SOX6: variants seen among roughly 807,000 people sequenced by gnomAD.
SOX6 encodes SRY-box transcription factor 6.
A neutral mutation model predicts 97.8 loss-of-function variants in SOX6; 11 were observed. The ratio of observed to expected loss-of-function variants is 0.11; its 90% CI spans 0.07 to 0.19. The LOEUF is 0.19. Ranked by LOEUF, SOX6 falls within the 10% of genes least tolerant of loss-of-function variation. The pLI, the probability that SOX6 is intolerant of heterozygous loss-of-function variation, is 1.00. For missense variants in SOX6, 810 were observed against 1,039.5 expected, an observed-to-expected ratio of 0.78 and a Z score of 3.04; for synonymous variants, 360 against 371.4, an observed-to-expected ratio of 0.97 and a Z score of 0.35.
intron 3 of SOX6, among the ~76,000 whole-genome samples, chr11:16,272,179 GTTTC>G (rs1339303426): frequency 7.3e-5 from 11 of 151,328 alleles, no homozygotes; most frequent in Non-Finnish European, 1.5e-4. Context: ...AATGATCAAA[GTTTC>G]TTTATTTCAT....
intron 4 of SOX6, among the ~76,000 whole-genome samples, chr11:16,215,456 G>A (rs1852347257): frequency 1.3e-5 from 2 of 152,232 alleles, no homozygotes; most frequent in African/African-American, 4.8e-5. Context: ...AAATACATAT[G>A]CCACTATGCT....
At chr11:16,177,514 C>T (rs1335084290) in intron 6 of SOX6, among the ~76,000 whole-genome samples, 4 of 151,714 alleles carry the variant, frequency 2.6e-5, no homozygotes, top group African/African-American at 9.7e-5. Flanking sequence ...TTAAAATCAC[C>T]TGCCGTAAAT....
intron 4 of SOX6, among the ~76,000 whole-genome samples, chr11:16,583,614 C>CATACATATATATAT (rs1554976094): frequency 4.8e-5 from 5 of 104,704 alleles, no homozygotes; most frequent in African/African-American, 1.6e-4. Flanking sequence ...TATATATATA[C>CATACATATATATAT]ATATATATAT....
At chr11:16,418,365 T>C (rs1011385548) in intron 1 of SOX6, among the ~76,000 whole-genome samples, 1 of 152,138 alleles carries the variant, frequency 6.6e-6, no homozygotes, top group Non-Finnish European at 1.5e-5. Context: ...TGCAAGAGAT[T>C]GGAGAATTTA....
chr11:16,459,384 GA>G (rs1444145596), intron 1 of SOX6, among the ~76,000 whole-genome samples: 1 of 151,816 alleles, frequency 6.6e-6, no homozygotes, highest in Non-Finnish European at 1.5e-5. Flanking sequence ...CAAAAATACT[GA>G]GCACTTAAAA....
chr11:16,074,067 C>T (rs79520756), intron 9 of SOX6, among the ~76,000 whole-genome samples: 5,755 of 152,000 alleles, frequency 0.038, 352 homozygotes, highest in African/African-American at 0.13. Context: ...AAATCAACCC[C>T]AAAACTACCA....
rs373651369 is a variant in SOX6 at position 16,596,644 on chromosome 11, G to C, written n.609+15437C>G. 1.1e-4 allele frequency among the ~76,000 whole-genome samples: 17 copies of C among 152,258 alleles called. No homozygotes were observed. The East Asian group carries it at 1.7e-3, about 16-fold the overall frequency. On this transcript the variant is annotated intron_variant and non_coding_transcript_variant, in intron 4 of 5. Coordinates refer to the SOX6 transcript ENST00000524520. Reference sequence around the variant, plus strand: ...ACGCCATGACAGTAATTAGCACACTGTACAGAATCACCTATATCCATACCT... The same window carrying C: ...ACGCCATGACAGTAATTAGCACACTCTACAGAATCACCTATATCCATACCT...
At chr11:16,004,218 G>T (rs1167347635) in intron 13 of SOX6, among the ~76,000 whole-genome samples, 3 of 151,868 alleles carry the variant, frequency 2.0e-5, no homozygotes, top group African/African-American at 7.3e-5. Flanking sequence ...TCCAAATGAG[G>T]AAACTTTCAG....
chr11:16,565,448 G>GTAT (rs940482801), intron 4 of SOX6, among the ~76,000 whole-genome samples: 3 of 151,446 alleles, frequency 2.0e-5, no homozygotes, highest in Non-Finnish European at 4.4e-5. Flanking sequence ...TACGAAGCTA[G>GTAT]TATTAACCTG....
chr11:16,247,715 G>A (rs556109405), intron 3 of SOX6, among the ~76,000 whole-genome samples: 2 of 152,222 alleles, frequency 1.3e-5, no homozygotes, highest in African/African-American at 4.8e-5. Context: ...CATGACACAT[G>A]GGGACTATAA....
chr11:16,584,097 C>T (rs898424061), intron 4 of SOX6, among the ~76,000 whole-genome samples: 1 of 152,150 alleles, frequency 6.6e-6, no homozygotes, highest in African/African-American at 2.4e-5. Context: ...GGCACTGCTC[C>T]AGTCACCTTT....
chr11:16,188,792 G>A (rs932815983), intron 4 of SOX6, among the ~76,000 whole-genome samples: 4 of 152,066 alleles, frequency 2.6e-5, no homozygotes, highest in Admixed American at 6.6e-5. Flanking sequence ...GGCTGGGCAC[G>A]GTGGCTCATG....
At chr11:16,358,013 G>T (rs1857116514), upstream of SOX6, among the ~76,000 whole-genome samples, 1 of 152,126 alleles carries the variant, frequency 6.6e-6, no homozygotes, top group Non-Finnish European at 1.5e-5. Context: ...GAAAGATCGT[G>T]GCTTTTGCCT....
rs959066494 is a variant in SOX6, at chr11:16,640,775, A to G, written n.430-28515T>C. Among the ~76,000 whole-genome samples the G allele has an allele frequency of 9.9e-5, 15 of 151,992 alleles. 1 individual carries two copies. The highest frequency in any genetic ancestry group is 8.5e-4 in the Admixed American group (13 of 15,264). On this transcript the variant is annotated intron_variant and non_coding_transcript_variant, in intron 3 of 5. Transcript: ENST00000524520. ...GGTGATATTCTCTTTATCATTTTTT[A>G]TTACATCTATTTAATTCTTCTCTCT...
At chr11:16,650,744 C>T (rs556212019) in intron 3 of SOX6, among the ~76,000 whole-genome samples, 1 of 151,402 alleles carries the variant, frequency 6.6e-6, no homozygotes, top group South Asian at 2.1e-4. Flanking sequence ...AACCAAACCC[C>T]AACCCAGAAG....
chr11:16,251,479 T>TGAG (rs76796450), intron 3 of SOX6, among the ~76,000 whole-genome samples: 3 of 151,614 alleles, frequency 2.0e-5, no homozygotes, highest in Non-Finnish European at 2.9e-5. Context: ...GAGAATAGTA[T>TGAG]GAAGATTATG....
At chr11:16,616,494 T>A (rs1848473023) in intron 3 of SOX6, among the ~76,000 whole-genome samples, 1 of 152,054 alleles carries the variant, frequency 6.6e-6, no homozygotes, top group African/African-American at 2.4e-5. Context: ...CGTATTTTTT[T>A]TAACATTACA....
At chr11:16,000,056 T>G (rs1385250323) in intron 13 of SOX6, among the ~76,000 whole-genome samples, 2 of 152,190 alleles carry the variant, frequency 1.3e-5, no homozygotes, top group African/African-American at 4.8e-5. Context: ...TCCAATTCAT[T>G]GTGTTGAAGT....
intron 4 of SOX6, chr11:16,484,408 C>G: frequency 1.3e-6 from 1 of 789,710 alleles, no homozygotes; most frequent in Non-Finnish European, 2.3e-6. Flanking sequence ...CTCCTTTAAC[C>G]AGGCCCTTCT....
Sources: gnomAD v4.1 joint callset for allele counts (sites outside exome capture counted in the v4.1 genomes callset) on GRCh38, gnomAD v4.1.1 for gene constraint, MANE v1.5 for transcripts, NCBI Gene and HGNC (gene_info 2026-07-23, HGNC 2026-07-21) for gene names.